CRPPA: variants seen among roughly 807,000 people sequenced by gnomAD.
CRPPA encodes the protein D-ribitol-5-phosphate cytidylyltransferase.
Under a neutral mutation model 52.0 loss-of-function variants are expected in CRPPA, and 43 were observed. The observed-to-expected ratio is 0.83, with a 90% CI of 0.65 to 1.07. The LOEUF (loss-of-function observed/expected upper bound fraction) is 1.07. Among genes scored for constraint, CRPPA ranks in the 50% least tolerant of loss-of-function variants. The pLI, the probability that CRPPA is intolerant of heterozygous loss-of-function variation, is 0.00. For missense variants in CRPPA, 629 were observed against 551.7 expected (o/e 1.14, Z -1.40); for synonymous variants, 250 against 203.5 (o/e 1.23, Z -1.94).
At chr7:16,308,391 A>G in intron 4 of CRPPA, 132 bp downstream of exon 4, 1 of 620,624 alleles carries the variant, frequency 1.6e-6, no homozygotes, top group East Asian at 2.7e-5. Context: ...AAGGGATACT[A>G]CACATTGATG....
At chr7:16,264,931 G>A (rs1783913059) in intron 6 of CRPPA, among the ~76,000 whole-genome samples, 1 of 152,102 alleles carries the variant, frequency 6.6e-6, no homozygotes, top group Admixed American at 6.6e-5. Context: ...GTGACTTTGG[G>A]CAAGTTACGT....
intron 5 of CRPPA, among the ~76,000 whole-genome samples, chr7:16,298,055 T>C (rs1784710774): frequency 1.3e-5 from 2 of 152,226 alleles, no homozygotes; most frequent in African/African-American, 4.8e-5. Flanking sequence ...GAATTTTTTT[T>C]TAATCCAAGA....
chr7:16,375,094 T>C (rs1218107608), intron 3 of CRPPA, among the ~76,000 whole-genome samples: 1 of 152,152 alleles, frequency 6.6e-6, no homozygotes, highest in Non-Finnish European at 1.5e-5. Flanking sequence ...AGAGGAAAAG[T>C]TATCTATAAC....
chr7:16,255,798 T>C (rs1251941946), intron 8 of CRPPA, among the ~76,000 whole-genome samples: 2 of 152,036 alleles, frequency 1.3e-5, no homozygotes, highest in Non-Finnish European at 2.9e-5. Flanking sequence ...TAACTCAAGA[T>C]CAATTAAAGA....
At chr7:16,163,243 G>A in intron 9 of CRPPA, among the ~76,000 whole-genome samples, 1 of 151,836 alleles carries the variant, frequency 6.6e-6, no homozygotes, top group East Asian at 1.9e-4. Context: ...CAAAGTGCTG[G>A]GATTACAGGT....
chr7:16,322,768 T>C (rs66924562), intron 3 of CRPPA, among the ~76,000 whole-genome samples: 36,009 of 152,074 alleles, frequency 0.24, 4,542 homozygotes, highest in Non-Finnish European at 0.3. Flanking sequence ...ATTGGGTATA[T>C]AGTGAACAGT....
chr7:16,274,113 G>A (rs1036910589), intron 6 of CRPPA, among the ~76,000 whole-genome samples: 6 of 152,146 alleles, frequency 3.9e-5, no homozygotes, highest in South Asian at 2.1e-4. Context: ...GCAGCGGCGC[G>A]ATCTCGGCTC....
intron 9 of CRPPA, among the ~76,000 whole-genome samples, chr7:16,099,903 T>C (rs1361709586): frequency 6.6e-6 from 1 of 152,160 alleles, no homozygotes; most frequent in Non-Finnish European, 1.5e-5. Flanking sequence ...CCTGCTAGTT[T>C]TCTATTGTCA....
intron 3 of CRPPA, among the ~76,000 whole-genome samples, chr7:16,353,085 G>C: frequency 6.6e-6 from 1 of 152,184 alleles, no homozygotes; most frequent in Non-Finnish European, 1.5e-5. Context: ...GCCAGGCGTG[G>C]TGGCTCACAC....
chr7:16,384,477 G>A (rs1479616579), intron 2 of CRPPA, among the ~76,000 whole-genome samples: 1 of 152,216 alleles, frequency 6.6e-6, no homozygotes, highest in Non-Finnish European at 1.5e-5. Context: ...GAATTTAACT[G>A]AGACTACAAG....
At chr7:16,209,650 C>CA (rs1235985938) in intron 9 of CRPPA, among the ~76,000 whole-genome samples, 1 of 151,712 alleles carries the variant, frequency 6.6e-6, no homozygotes, top group Non-Finnish European at 1.5e-5. Flanking sequence ...AAGATTCACA[C>CA]AAAAAAAGAA....
chr7:16,305,353 T>C (rs1277022499), intron 4 of CRPPA, among the ~76,000 whole-genome samples: 3 of 152,134 alleles, frequency 2.0e-5, no homozygotes, highest in Non-Finnish European at 2.9e-5. Flanking sequence ...CTGTAAGACA[T>C]TTTCCCCAAT....
chr7:16,372,547 G>C (rs1583556089), intron 3 of CRPPA, among the ~76,000 whole-genome samples: 1 of 152,158 alleles, frequency 6.6e-6, no homozygotes, highest in South Asian at 2.1e-4. Context: ...GCTAAAATGA[G>C]TTCTAAATCT....
chr7:16,311,898 C>G (rs1043670297), intron 3 of CRPPA, among the ~76,000 whole-genome samples: 1 of 151,964 alleles, frequency 6.6e-6, no homozygotes, highest in Non-Finnish European at 1.5e-5. Flanking sequence ...TGTATATTGC[C>G]TTTGCTTTTC....
chr7:16,326,528 T>C (rs1055522211), intron 3 of CRPPA, among the ~76,000 whole-genome samples: 11 of 152,184 alleles, frequency 7.2e-5, no homozygotes, highest in African/African-American at 2.4e-4. Flanking sequence ...TAAAATTATC[T>C]TAATTTGTAG....
chr7:16,230,154 C>G (rs1465978015), intron 8 of CRPPA, among the ~76,000 whole-genome samples: 1 of 152,116 alleles, frequency 6.6e-6, no homozygotes, highest in Non-Finnish European at 1.5e-5. Flanking sequence ...AGACCTTTGA[C>G]ATTTCTGTAC....
In CRPPA at chr7:16,106,905, C is replaced by T. The variant is rs565301072; in HGVS notation, c.1252-15106G>A. Among the ~76,000 whole-genome samples, 598 of 151,656 alleles carry T rather than the reference C, an allele frequency of 3.9e-3. 1 individual carries two copies. Among genetic ancestry groups the T allele is most frequent in the Non-Finnish European group, 6.8e-3 (460 of 67,852 alleles). ...AGGAAATTTCATGGAATTTGGAAAA[C>T]AAAGACTTGACAAAGAAATAAAAAT... is the stretch of plus-strand genomic sequence containing the variant. On this transcript the variant is annotated intron_variant, in intron 9 of 9. Transcript: ENST00000407010.
chr7:16,143,301 G>A (rs1043706459), intron 9 of CRPPA, among the ~76,000 whole-genome samples: 8 of 152,162 alleles, frequency 5.3e-5, no homozygotes, highest in African/African-American at 1.9e-4. Context: ...CACCATTCAG[G>A]AAAGGTTTAT....
chr7:16,178,920 T>C (rs112353437), intron 9 of CRPPA, among the ~76,000 whole-genome samples: 32 of 152,054 alleles, frequency 2.1e-4, no homozygotes, highest in African/African-American at 7.7e-4. Context: ...CCCCATAAAT[T>C]TGGTTGAGGC....
Sources: allele counts gnomAD v4.1 joint callset (sites outside exome capture counted in the v4.1 genomes callset), GRCh38; gene constraint gnomAD v4.1.1; transcripts MANE v1.5; gene names NCBI Gene and HGNC (gene_info 2026-07-23, HGNC 2026-07-21).